The following PHF20L1 variants were observed in gnomAD, a reference collection of about 807,000 sequenced individuals.
PHF20L1 encodes the protein PHD finger protein 20-like protein 1.
A neutral mutation model predicts 125.5 loss-of-function variants in PHF20L1; 44 were observed. The ratio of observed to expected loss-of-function variants is 0.35; its 90% CI spans 0.28 to 0.45. The LOEUF (loss-of-function observed/expected upper bound fraction) is 0.45. PHF20L1 is among the 20% of genes least tolerant of loss of function. The probability of loss-of-function intolerance (pLI) is 1.00; values close to 1 mark genes in which losing one functional copy is unlikely to be tolerated. For synonymous variants in PHF20L1, 380 were observed against 403.1 expected, an observed-to-expected ratio of 0.94 and a Z score of 0.69; for missense variants, 1,012 against 1,217.2, an observed-to-expected ratio of 0.83 and a Z score of 2.51.
chr8:132,836,213 A>G (rs904382914), intron 15 of PHF20L1: 2 of 183,628 alleles, frequency 1.1e-5, no homozygotes, highest in Admixed American at 5.5e-5. Flanking sequence ...GTCAGAAGGG[A>G]TAATGTTTGT....
At chr8:132,787,758 C>T (rs551836374) in intron 2 of PHF20L1, among the ~76,000 whole-genome samples, 1 of 152,000 alleles carries the variant, frequency 6.6e-6, no homozygotes, top group Non-Finnish European at 1.5e-5. Flanking sequence ...AATGGGAAAA[C>T]ATTTTTGAAA....
At chr8:132,843,698 T>C (rs1473735397) in intron 19 of PHF20L1, 23 of 984,982 alleles carry the variant, frequency 2.3e-5, no homozygotes, top group Non-Finnish European at 2.8e-5. Flanking sequence ...CCTTCATTGA[T>C]TTACTGTACT....
chr8:132,787,052 T>TG (rs1289664971), intron 2 of PHF20L1, among the ~76,000 whole-genome samples: 1 of 123,392 alleles, frequency 8.1e-6, no homozygotes, highest in Non-Finnish European at 1.8e-5. Flanking sequence ...AGTTGTAGCT[T>TG]GAAAAAACTG....
chr8:132,824,134 A>T (rs1835899205), intron 13 of PHF20L1, 74 bp downstream of exon 13: 3 of 892,864 alleles, frequency 3.4e-6, no homozygotes, highest in African/African-American at 1.7e-5. Flanking sequence ...TCTGCCCCTT[A>T]CTCTTTACCA....
rs187753341 is a variant in PHF20L1 at position 132,803,228 on chromosome 8, C to T, written c.508-591C>T. On this transcript the variant is annotated intron_variant, in intron 6 of 20. Transcript: ENST00000395386. Reference sequence around the variant, plus strand: ...TGGTCAATGGAGCTCTTTTCTTCTTCATCAGTATTATTAAGCTGTTGTGAT... The same window carrying T: ...TGGTCAATGGAGCTCTTTTCTTCTTTATCAGTATTATTAAGCTGTTGTGAT... Among the ~76,000 whole-genome samples the T allele has an allele frequency of 1.3e-4, 20 of 151,830 alleles. No homozygotes were observed. In the East Asian group the frequency reaches 3.9e-3, roughly 29 times the overall value.
intron 18 of PHF20L1, 113 bp from the exon 19 acceptor site, chr8:132,842,402 G>A (rs1009676250): frequency 1.2e-6 from 1 of 857,550 alleles, no homozygotes; most frequent in Non-Finnish European, 1.7e-6. Context: ...CTTTGCTTTT[G>A]TCTTGAGTCC....
At chr8:132,827,054 A>G (rs374681888) in intron 14 of PHF20L1, among the ~76,000 whole-genome samples, 4 of 151,928 alleles carry the variant, frequency 2.6e-5, no homozygotes, top group African/African-American at 9.7e-5. Flanking sequence ...TTGAAGATAC[A>G]GGATCAAAAT....
At chr8:132,804,873 G>A (rs1833503875) in intron 8 of PHF20L1, 133 bp downstream of exon 8, 2 of 726,212 alleles carry the variant, frequency 2.8e-6, no homozygotes, top group Non-Finnish European at 2.2e-6. Context: ...ATTACTTTGT[G>A]GTTCTTCAAG....
intron 6 of PHF20L1, among the ~76,000 whole-genome samples, chr8:132,801,668 A>G (rs1360529565): frequency 6.6e-6 from 1 of 151,702 alleles, no homozygotes; most frequent in African/African-American, 2.4e-5. Flanking sequence ...CACCCTAAAT[A>G]CACTGAATTG....
At chr8:132,813,869 AT>A (rs978236300) in intron 9 of PHF20L1, among the ~76,000 whole-genome samples, 1 of 151,532 alleles carries the variant, frequency 6.6e-6, no homozygotes, top group African/African-American at 2.4e-5. Context: ...CAAAGTTCTA[AT>A]TTTTTTTTAA....
At chr8:132,810,925 A>C (rs1834319421) in intron 8 of PHF20L1, 121 bp from the exon 9 acceptor site, 1 of 693,976 alleles carries the variant, frequency 1.4e-6, no homozygotes, top group Non-Finnish European at 2.6e-6. Flanking sequence ...AAAACATTTG[A>C]GATTACTTCC....
intron 13 of PHF20L1, chr8:132,824,904 A>G (rs1835996678): frequency 1.9e-6 from 1 of 536,240 alleles, no homozygotes; most frequent in Admixed American, 3.9e-5. Flanking sequence ...CTCTCATTAA[A>G]TTACATATGG....
intron 2 of PHF20L1, among the ~76,000 whole-genome samples, chr8:132,788,446 G>A (rs929025115): frequency 1.3e-5 from 2 of 151,970 alleles, no homozygotes; most frequent in Admixed American, 6.6e-5. Context: ...AAATCTTTTC[G>A]TGAATTCTCA....
At chr8:132,843,840 G>C (rs751573352) in intron 19 of PHF20L1, 3 of 984,926 alleles carry the variant, frequency 3.0e-6, no homozygotes, top group East Asian at 2.3e-4. Context: ...TTGAGGAAGA[G>C]GCCAGTCTAA....
chr8:132,843,624 T>TGTGTGA (rs1838158509), intron 19 of PHF20L1: 1 of 984,216 alleles, frequency 1.0e-6, no homozygotes, highest in African/African-American at 1.8e-5. Context: ...TGTGTGTGTG[T>TGTGTGA]GTGTGTGTGT....
At position 132,845,959 on chromosome 8, in the gene PHF20L1, TTCAG is replaced by T; in HGVS notation, c.*40_*43del. 6.4e-7 allele frequency: 1 copy of T among 1,564,846 alleles called. No homozygotes were observed. The highest frequency in any genetic ancestry group is 8.8e-7 in the Non-Finnish European group (1 of 1,141,638). On this transcript the variant is annotated 3_prime_UTR_variant, in exon 21 of 21. Coordinates refer to ENST00000395386, the MANE Select transcript of PHF20L1 (RefSeq NM_016018.5). The stretch of plus-strand genomic sequence containing the variant: ...CACTTAATGAAAGAATGTGGCTTTC[TTCAG>T]TCAAAGCATTTTTATTATCCACGTG...
At chr8:132,805,476 A>G (rs1833580539) in intron 8 of PHF20L1, among the ~76,000 whole-genome samples, 1 of 151,922 alleles carries the variant, frequency 6.6e-6, no homozygotes, top group Non-Finnish European at 1.5e-5. Flanking sequence ...TTCAAAAGAA[A>G]TTGTGAACAT....
chr8:132,832,160 G>T, intron 14 of PHF20L1, 75 bp from the exon 15 acceptor site: 1 of 936,278 alleles, frequency 1.1e-6, no homozygotes, highest in Non-Finnish European at 1.7e-6. Flanking sequence ...CCTGAAACAT[G>T]ACTTTCGTTA....
In PHF20L1 at chr8:132,817,025, A is replaced by T; in HGVS notation, c.1321A>T (p.Lys441Ter). The change falls in exon 11 of 21, where the codon AAA becomes TAA. Residue 441 changes from lysine (K) to a stop codon, truncating the protein, a stop_gained. Transcript: ENST00000395386. LOFTEE classifies it high-confidence loss of function. Reference sequence around the variant, plus strand: ...TTCTCCCTCTCCAGCCACTGATGGGAAAGTATTCTCCATCAGTTCTCAAAA... The same window carrying T: ...TTCTCCCTCTCCAGCCACTGATGGGTAAGTATTCTCCATCAGTTCTCAAAA... Reference protein sequence around the residue: ...VSSPSPATDGKVFSISSQNQQ... With the variant: ...VSSPSPATDG 1 of 1,606,072 alleles carries T rather than the reference A, an allele frequency of 6.2e-7. No individual in the cohort carries two copies. Among genetic ancestry groups the T allele is most frequent in the Non-Finnish European group, 8.5e-7 (1 of 1,175,646 alleles).
Sources: allele counts gnomAD v4.1 joint callset (sites outside exome capture counted in the v4.1 genomes callset), GRCh38; gene constraint gnomAD v4.1.1; transcripts MANE v1.5; gene names NCBI Gene and HGNC (gene_info 2026-07-23, HGNC 2026-07-21).